MDGA1: variants seen among roughly 807,000 people sequenced by gnomAD.
MDGA1 encodes MAM domain-containing glycosylphosphatidylinositol anchor protein 1.
MDGA1 carries 54 observed loss-of-function variants against 101.5 expected under a neutral mutation model. The observed-to-expected ratio is 0.53, with a 90% CI of 0.43 to 0.67. The LOEUF (loss-of-function observed/expected upper bound fraction) is 0.67, where lower values mean the gene tolerates loss of function less well. Ranked by LOEUF, MDGA1 falls within the 30% of genes least tolerant of loss-of-function variation. MDGA1 has a pLI of 0.00. For missense variants in MDGA1, 1,083 were observed against 1,323.8 expected (o/e 0.82, Z 2.82); for synonymous variants, 533 against 558.3 (o/e 0.95, Z 0.64).
chr6:37,686,253 T>C (rs1037752341), intron 1 of MDGA1, among the ~76,000 whole-genome samples: 1 of 152,148 alleles, frequency 6.6e-6, no homozygotes, highest in Non-Finnish European at 1.5e-5. Flanking sequence ...CTTCCTGGAA[T>C]GTCTCATGAT....
At position 37,696,922 on chromosome 6, in the gene MDGA1, T is replaced by A; in HGVS notation, c.-111A>T. Reference sequence around the variant, plus strand: ...TATGTCCCCCCCTTTCCCTGAGAGGTGAGAGAGAGAGCGGCGACGAAGACC... The same window carrying A: ...TATGTCCCCCCCTTTCCCTGAGAGGAGAGAGAGAGAGCGGCGACGAAGACC... On this transcript the variant is annotated 5_prime_UTR_variant, in exon 1 of 17. Coordinates refer to ENST00000434837, the MANE Select transcript of MDGA1 (RefSeq NM_153487.4). This position sits in a 1 kb window ranked among gnomAD's most constrained non-coding sequence, Gnocchi z 5.6. The A allele has an allele frequency of 2.3e-6, 2 of 878,030 alleles. No individual in the cohort carries two copies. The highest frequency in any genetic ancestry group is 3.7e-6 in the Non-Finnish European group (2 of 543,548). 54.4% of individuals were successfully genotyped at this position (878,030 alleles called of 1,614,324 possible).
At chr6:37,661,847 G>A (rs1490743820) in intron 2 of MDGA1, among the ~76,000 whole-genome samples, 3 of 152,128 alleles carry the variant, frequency 2.0e-5, no homozygotes, top group Non-Finnish European at 4.4e-5. Flanking sequence ...CATTCTGGTA[G>A]CAAAGTGCAG....
rs750542377 is a variant in MDGA1, at chr6:37,637,476, A to C, written c.2777-17T>G. 6.8e-6 allele frequency: 11 copies of C among 1,609,150 alleles called. No homozygotes were observed. The South Asian group carries it at 1.2e-4, about 18-fold the overall frequency. Reference sequence around the variant, plus strand: ...TCACCACCACTGCAACAGGGGAGAAAGAGGAGACAGGCCAGGGCTCTGGTC... The same window carrying C: ...TCACCACCACTGCAACAGGGGAGAACGAGGAGACAGGCCAGGGCTCTGGTC... On this transcript the variant is annotated splice_polypyrimidine_tract_variant and intron_variant, in intron 16 of 16. Coordinates refer to ENST00000434837, the MANE Select transcript of MDGA1 (RefSeq NM_153487.4).
chr6:37,653,595 T>G (rs1761416790), intron 6 of MDGA1, among the ~76,000 whole-genome samples: 1 of 152,064 alleles, frequency 6.6e-6, no homozygotes, highest in Non-Finnish European at 1.5e-5. Context: ...AAAATATATT[T>G]TAAAAAAAAG....
At chr6:37,664,279 C>T (rs1761693526) in intron 1 of MDGA1, 173 bp from the exon 2 acceptor site, 3 of 733,276 alleles carry the variant, frequency 4.1e-6, no homozygotes, top group Non-Finnish European at 6.6e-6. Flanking sequence ...ACCTCTAGGA[C>T]AGAACCAGGC....
chr6:37,644,674 CAA>C (rs756829344), intron 12 of MDGA1, 25 bp from the exon 13 acceptor site: 44 of 1,527,668 alleles, frequency 2.9e-5, no homozygotes, highest in Middle Eastern at 1.7e-4. Context: ...GCGAATGAGA[CAA>C]AGAGTCAGCC....
intron 1 of MDGA1, among the ~76,000 whole-genome samples, chr6:37,685,462 A>G (rs1326072126): frequency 6.6e-6 from 1 of 152,206 alleles, no homozygotes; most frequent in Admixed American, 6.5e-5. Context: ...AGAGGCACTG[A>G]GCAAACAGCA....
At chr6:37,693,265 G>A (rs6458012) in intron 1 of MDGA1, among the ~76,000 whole-genome samples, 112,727 of 152,090 alleles carry the variant, frequency 0.74, 42,391 homozygotes, top group East Asian at 0.89. Context: ...ATCAACACCC[G>A]GGAGATGACA....
At position 37,696,471 on chromosome 6, in the gene MDGA1, T is replaced by C. The variant is rs571579724; in HGVS notation, c.67+274A>G. 6.6e-6 allele frequency among the ~76,000 whole-genome samples: 1 copy of C among 152,236 alleles called. No individual in the cohort carries two copies. The highest frequency in any genetic ancestry group is 2.1e-4 in the South Asian group (1 of 4,814). On this transcript the variant is annotated intron_variant, in intron 1 of 16. Transcript: ENST00000434837. The surrounding 1 kb of genome is among the most constrained non-coding windows in gnomAD (Gnocchi z 5.6). ...GGTCTCCCGAGCCGACCGGGTGCTC[T>C]CAAGGGTTCCTAATCATTCCCACCT...
At chr6:37,644,045 G>A (rs901532431) in intron 13 of MDGA1, 102 bp from the exon 14 acceptor site, 1 of 1,463,778 alleles carries the variant, frequency 6.8e-7, no homozygotes, top group Non-Finnish European at 9.1e-7. Flanking sequence ...AATCTGAAGT[G>A]CCTCGCCCCA....
At chr6:37,670,177 G>T (rs1356588575) in intron 1 of MDGA1, among the ~76,000 whole-genome samples, 4 of 152,116 alleles carry the variant, frequency 2.6e-5, no homozygotes, top group Non-Finnish European at 5.9e-5. Flanking sequence ...GCTAATGAGG[G>T]GCTAATGCAA....
intron 1 of MDGA1, among the ~76,000 whole-genome samples, chr6:37,674,983 G>T (rs1371930864): frequency 6.6e-6 from 1 of 152,202 alleles, no homozygotes; most frequent in Non-Finnish European, 1.5e-5. Flanking sequence ...CTTGAACCTG[G>T]GAGGTGGAGG....
At chr6:37,645,623 G>C (rs181310033) in intron 12 of MDGA1, among the ~76,000 whole-genome samples, 6 of 152,252 alleles carry the variant, frequency 3.9e-5, no homozygotes. Context: ...AGGTCCATGG[G>C]TCACAGACTA....
At chr6:37,651,746 T>A (rs924439714) in intron 7 of MDGA1, among the ~76,000 whole-genome samples, 3 of 152,176 alleles carry the variant, frequency 2.0e-5, no homozygotes, top group African/African-American at 7.2e-5. Context: ...TGCAATGATA[T>A]ATTTATTTGT....
chr6:37,668,886 C>T (rs1561855470), intron 1 of MDGA1, among the ~76,000 whole-genome samples: 1 of 152,190 alleles, frequency 6.6e-6, no homozygotes, highest in Non-Finnish European at 1.5e-5. Flanking sequence ...CTAGCTCTGT[C>T]GCCCAGGCTG....
chr6:37,667,977 G>A (rs1382515179), intron 1 of MDGA1, among the ~76,000 whole-genome samples: 1 of 152,186 alleles, frequency 6.6e-6, no homozygotes, highest in Non-Finnish European at 1.5e-5. Flanking sequence ...TCCTGGCCAG[G>A]TGTGGTGACT....
At chr6:37,683,111 G>A (rs1345324957) in intron 1 of MDGA1, among the ~76,000 whole-genome samples, 1 of 152,198 alleles carries the variant, frequency 6.6e-6, no homozygotes, top group Non-Finnish European at 1.5e-5. Context: ...TGCCTCTCCT[G>A]GCAATGCCCA....
intron 1 of MDGA1, among the ~76,000 whole-genome samples, chr6:37,670,757 A>G (rs1188389688): frequency 1.3e-5 from 2 of 152,196 alleles, no homozygotes; most frequent in Non-Finnish European, 2.9e-5. Context: ...GGTCCACTGT[A>G]TATTTCCAAG....
intron 1 of MDGA1, among the ~76,000 whole-genome samples, chr6:37,694,099 G>T (rs192128153): frequency 0.01 from 1,569 of 152,280 alleles, 22 homozygotes; most frequent in Non-Finnish European, 0.015. Flanking sequence ...ATCCACACAG[G>T]TCTGGGGGCA....
Sources: gnomAD v4.1 joint callset for allele counts (sites outside exome capture counted in the v4.1 genomes callset) on GRCh38, gnomAD v4.1.1 for gene constraint, Gnocchi (gnomAD v3.1) non-coding constraint, MANE v1.5 for transcripts, NCBI Gene and HGNC (gene_info 2026-07-23, HGNC 2026-07-21) for gene names.